Variants in SUSD5 observed in about 807,000 individuals in gnomAD.
SUSD5 encodes sushi domain containing 5, also known as sushi domain-containing protein 5.
In SUSD5, 33 loss-of-function variants were observed where a neutral mutation model predicts 29.5. The ratio of observed to expected loss-of-function variants is 1.12; its 90% CI spans 0.85 to 1.49. The LOEUF (loss-of-function observed/expected upper bound fraction) is 1.49, where lower values mean the gene tolerates loss of function less well. Among genes scored for constraint, SUSD5 ranks in the 40% most tolerant of loss-of-function variants. The pLI is 0.00. For missense variants in SUSD5, 776 were observed against 800.6 expected, an observed-to-expected ratio of 0.97 and a Z score of 0.37; for synonymous variants, 308 against 325.3, an observed-to-expected ratio of 0.95 and a Z score of 0.57.
At chr3:33,202,324 C>T (rs2032136707) in intron 3 of SUSD5, among the ~76,000 whole-genome samples, 1 of 152,124 alleles carries the variant, frequency 6.6e-6, no homozygotes, top group Non-Finnish European at 1.5e-5. Context: ...TCCTGAGACA[C>T]CAGGCCTTCT....
chr3:33,198,051 T>C (rs1349234995), intron 3 of SUSD5, among the ~76,000 whole-genome samples: 2 of 152,228 alleles, frequency 1.3e-5, no homozygotes, highest in African/African-American at 4.8e-5. Flanking sequence ...ATATTAAACT[T>C]TGCAGAATTA....
At chr3:33,169,473 G>A (rs951290053) in intron 4 of SUSD5, among the ~76,000 whole-genome samples, 12 of 151,902 alleles carry the variant, frequency 7.9e-5, no homozygotes, top group Admixed American at 5.2e-4. Context: ...CACCCGCCTC[G>A]GCCTCCCAAA....
intron 3 of SUSD5, among the ~76,000 whole-genome samples, chr3:33,201,586 C>G (rs1222621373): frequency 6.6e-6 from 1 of 152,226 alleles, no homozygotes; most frequent in African/African-American, 2.4e-5. Flanking sequence ...AGCAGAAGAC[C>G]TCAGGTCTGA....
intron 1 of SUSD5, among the ~76,000 whole-genome samples, chr3:33,216,757 C>T (rs1456178543): frequency 6.6e-6 from 1 of 152,152 alleles, no homozygotes; most frequent in African/African-American, 2.4e-5. Flanking sequence ...TCTTCTTCTT[C>T]CTCCCGTCAC....
intron 3 of SUSD5, among the ~76,000 whole-genome samples, chr3:33,193,987 G>T (rs931677765): frequency 1.3e-5 from 2 of 152,174 alleles, no homozygotes; most frequent in Admixed American, 1.3e-4. Flanking sequence ...AGGCCTCAAG[G>T]TTCCTATCCT....
At chr3:33,209,069 TA>T (rs2032274961) in intron 2 of SUSD5, among the ~76,000 whole-genome samples, 1 of 152,230 alleles carries the variant, frequency 6.6e-6, no homozygotes, top group South Asian at 2.1e-4. Context: ...TATTGGGAGA[TA>T]TTTTTCACTG....
rs1025705192 is a variant in SUSD5, at chr3:33,204,531, C to T, written c.409+3277G>A. 6.6e-6 allele frequency among the ~76,000 whole-genome samples: 1 copy of T among 152,078 alleles called. No individual in the cohort carries two copies. Among genetic ancestry groups the T allele is most frequent in the African/African-American group, 2.4e-5 (1 of 41,400 alleles). On this transcript the variant is annotated intron_variant, in intron 3 of 4. Transcript: ENST00000309558. This position sits in a 1 kb window ranked among gnomAD's most constrained non-coding sequence, Gnocchi z 4.5. ...AGAGACAGGGTTTCACCATGTTAGCCAGGATGGTCTCGATCTCCTGACCTC... is the reference window on the plus strand; with the variant it reads ...AGAGACAGGGTTTCACCATGTTAGCTAGGATGGTCTCGATCTCCTGACCTC...
intron 1 of SUSD5, among the ~76,000 whole-genome samples, chr3:33,218,318 G>A (rs989879713): frequency 1.3e-5 from 2 of 152,228 alleles, no homozygotes; most frequent in African/African-American, 4.8e-5. Context: ...CACATTAATA[G>A]ACGTTGAGAA....
chr3:33,216,167 T>A (rs1025337433), intron 1 of SUSD5, among the ~76,000 whole-genome samples: 5 of 152,070 alleles, frequency 3.3e-5, no homozygotes, highest in Non-Finnish European at 5.9e-5. Context: ...TCACTACAGA[T>A]CCCGTGGACC....
At chr3:33,156,128 C>T (rs1192068595) in intron 4 of SUSD5, among the ~76,000 whole-genome samples, 1 of 151,782 alleles carries the variant, frequency 6.6e-6, no homozygotes, top group Non-Finnish European at 1.5e-5. Flanking sequence ...GCAACCTCCG[C>T]CTCCCGGGTT....
At chr3:33,158,110 C>G (rs2031094741) in intron 4 of SUSD5, among the ~76,000 whole-genome samples, 1 of 152,200 alleles carries the variant, frequency 6.6e-6, no homozygotes, top group Admixed American at 6.5e-5. Flanking sequence ...AAGGAAAAGT[C>G]TGCAACAGCT....
intron 3 of SUSD5, among the ~76,000 whole-genome samples, chr3:33,176,454 T>A (rs955838007): frequency 2.0e-5 from 3 of 152,206 alleles, no homozygotes. Context: ...CCATTTTGCA[T>A]TCCCACCAGC....
intron 3 of SUSD5, among the ~76,000 whole-genome samples, chr3:33,192,973 T>C (rs981561361): frequency 8.0e-5 from 12 of 149,088 alleles, no homozygotes; most frequent in Admixed American, 6.8e-4. Flanking sequence ...TCTATTTTGA[T>C]GTTTCCAGTC....
chr3:33,208,203 TCTG>T (rs920785195), intron 2 of SUSD5, among the ~76,000 whole-genome samples: 7 of 152,226 alleles, frequency 4.6e-5, no homozygotes, highest in Admixed American at 2.0e-4. Flanking sequence ...TTCATAAAAT[TCTG>T]CTATTTTCTT....
chr3:33,179,815 T>C (rs2031632388), intron 3 of SUSD5, among the ~76,000 whole-genome samples: 1 of 152,242 alleles, frequency 6.6e-6, no homozygotes, highest in Non-Finnish European at 1.5e-5. Context: ...ATTACAGTCA[T>C]GTGCCACATA....
At chr3:33,196,249 C>T (rs2125628310) in intron 3 of SUSD5, among the ~76,000 whole-genome samples, 1 of 152,204 alleles carries the variant, frequency 6.6e-6, no homozygotes, top group South Asian at 2.1e-4. Context: ...ACAAAATGCT[C>T]ATAAAAAGAT....
intron 4 of SUSD5, among the ~76,000 whole-genome samples, chr3:33,156,545 C>T (rs55680037): frequency 0.14 from 20,930 of 152,202 alleles, 1,781 homozygotes; most frequent in South Asian, 0.22. Context: ...ACAGCAGCAG[C>T]CCTTTGACCT....
intron 1 of SUSD5, 28 bp downstream of exon 1, chr3:33,218,658 C>G (rs1307657347): frequency 1.6e-6 from 2 of 1,276,466 alleles, no homozygotes; most frequent in Admixed American, 4.2e-5. Context: ...CGCTCCACCC[C>G]CCGCCCCGCC....
chr3:33,216,030 A>G (rs944169661), intron 1 of SUSD5, among the ~76,000 whole-genome samples: 4 of 152,160 alleles, frequency 2.6e-5, no homozygotes, highest in Admixed American at 1.3e-4. Context: ...CAGACACACA[A>G]TCAAGAAAAT....
Sources: gnomAD v4.1 joint callset for allele counts (sites outside exome capture counted in the v4.1 genomes callset) on GRCh38, gnomAD v4.1.1 for gene constraint, Gnocchi (gnomAD v3.1) non-coding constraint, MANE v1.5 for transcripts, NCBI Gene and HGNC (gene_info 2026-07-23, HGNC 2026-07-21) for gene names.